Variants in IGF2BP3 observed in about 807,000 individuals in gnomAD.
The protein encoded by IGF2BP3 is insulin-like growth factor 2 mRNA-binding protein 3.
Under a neutral mutation model 73.8 loss-of-function variants are expected in IGF2BP3, and 9 were observed. The ratio of observed to expected loss-of-function variants is 0.12; its 90% CI spans 0.07 to 0.21. The LOEUF is 0.21. Ranked by LOEUF, IGF2BP3 falls within the 10% of genes least tolerant of loss-of-function variation. The probability of loss-of-function intolerance (pLI) is 1.00; values close to 1 mark genes in which losing one functional copy is unlikely to be tolerated. For synonymous variants in IGF2BP3, 258 were observed against 256.7 expected (o/e 1.01, Z -0.05); for missense variants, 542 against 714.0 (o/e 0.76, Z 2.75).
intron 3 of IGF2BP3, among the ~76,000 whole-genome samples, chr7:23,387,223 A>T (rs1326029700): frequency 6.6e-6 from 1 of 152,172 alleles, no homozygotes; most frequent in African/African-American, 2.4e-5. Context: ...GAAAGTCCAT[A>T]AACCCAGTCT....
intron 2 of IGF2BP3, among the ~76,000 whole-genome samples, chr7:23,437,769 A>C (rs1787839772): frequency 6.6e-6 from 1 of 152,174 alleles, no homozygotes; most frequent in South Asian, 2.1e-4. Context: ...AAAGTAAAAA[A>C]CTATTCAGTG....
At chr7:23,314,274 C>T (rs1206777014) in intron 12 of IGF2BP3, among the ~76,000 whole-genome samples, 1 of 152,032 alleles carries the variant, frequency 6.6e-6, no homozygotes, top group East Asian at 1.9e-4. Flanking sequence ...CCCCCGCCTC[C>T]CAGGTTCAAG....
intron 2 of IGF2BP3, among the ~76,000 whole-genome samples, chr7:23,455,577 T>G (rs11762335): frequency 0.17 from 25,986 of 152,218 alleles, 2,541 homozygotes; most frequent in South Asian, 0.27. Flanking sequence ...TTAGGATCAC[T>G]ACCACAGTGA....
At chr7:23,449,561 T>C (rs369863328) in intron 2 of IGF2BP3, among the ~76,000 whole-genome samples, 26,397 of 118,250 alleles carry the variant, frequency 0.22, 2,448 homozygotes, top group Non-Finnish European at 0.31. Context: ...TTTCTTTTTT[T>C]TTTTTTTTTT....
At chr7:23,395,839 C>G (rs1163996671) in intron 3 of IGF2BP3, among the ~76,000 whole-genome samples, 1 of 151,782 alleles carries the variant, frequency 6.6e-6, no homozygotes, top group Non-Finnish European at 1.5e-5. Flanking sequence ...GGCAGGAGAA[C>G]TGCTTGAACC....
intron 13 of IGF2BP3, among the ~76,000 whole-genome samples, chr7:23,313,155 T>C (rs1443532962): frequency 3.3e-5 from 5 of 152,244 alleles, no homozygotes; most frequent in Non-Finnish European, 7.3e-5. Context: ...ACAAGTTATA[T>C]GTATTAGAGA....
chr7:23,412,623 C>T (rs1787060212), intron 3 of IGF2BP3, among the ~76,000 whole-genome samples: 2 of 152,166 alleles, frequency 1.3e-5, no homozygotes, highest in African/African-American at 4.8e-5. Context: ...CCTCATCAGC[C>T]CCCAAAATGA....
chr7:23,406,741 G>T (rs1197418492), intron 3 of IGF2BP3, among the ~76,000 whole-genome samples: 1 of 152,058 alleles, frequency 6.6e-6, no homozygotes, highest in African/African-American at 2.4e-5. Flanking sequence ...CTGCTGATTG[G>T]TCCATTTTAC....
intron 10 of IGF2BP3, among the ~76,000 whole-genome samples, chr7:23,322,583 A>G (rs1372787602): frequency 6.6e-6 from 1 of 152,092 alleles, no homozygotes; most frequent in African/African-American, 2.4e-5. Flanking sequence ...CCACAAAGAT[A>G]CTCCTCGAGA....
At chr7:23,435,905 G>GT in intron 2 of IGF2BP3, among the ~76,000 whole-genome samples, 1 of 152,090 alleles carries the variant, frequency 6.6e-6, no homozygotes, top group East Asian at 1.9e-4. Context: ...TTACAGGCGT[G>GT]TGCCACCATG....
At chr7:23,457,027 C>T (rs1329057053) in intron 2 of IGF2BP3, among the ~76,000 whole-genome samples, 2 of 151,828 alleles carry the variant, frequency 1.3e-5, no homozygotes, top group African/African-American at 2.4e-5. Flanking sequence ...CCAGCCCAGT[C>T]GACAGAGCAA....
At chr7:23,454,553 A>T (rs1788273038) in intron 2 of IGF2BP3, among the ~76,000 whole-genome samples, 1 of 152,222 alleles carries the variant, frequency 6.6e-6, no homozygotes, top group Admixed American at 6.5e-5. Context: ...TCCTTTACAG[A>T]CATTATCATT....
At chr7:23,442,548 C>A (rs1473532993) in intron 2 of IGF2BP3, among the ~76,000 whole-genome samples, 1 of 152,090 alleles carries the variant, frequency 6.6e-6, no homozygotes. Context: ...CAGGCACCCA[C>A]TACCACGCCC....
At chr7:23,380,019 T>C (rs1459062606) in intron 3 of IGF2BP3, among the ~76,000 whole-genome samples, 2 of 152,192 alleles carry the variant, frequency 1.3e-5, no homozygotes, top group East Asian at 3.9e-4. Flanking sequence ...CTAAGATGGG[T>C]TGGGAAAGTC....
chr7:23,429,056 G>A (rs1787600923), intron 2 of IGF2BP3, among the ~76,000 whole-genome samples: 1 of 152,134 alleles, frequency 6.6e-6, no homozygotes, highest in Non-Finnish European at 1.5e-5. Flanking sequence ...AGCCTTATCA[G>A]CATGGATCCT....
At chr7:23,327,319 G>T (rs1021947056) in intron 10 of IGF2BP3, among the ~76,000 whole-genome samples, 1 of 145,724 alleles carries the variant, frequency 6.9e-6, no homozygotes. Flanking sequence ...CTCGCTCTGT[G>T]GCCCAGGCTG....
At chr7:23,415,584 G>T in intron 3 of IGF2BP3, 1 of 267,412 alleles carries the variant, frequency 3.7e-6, no homozygotes, top group Non-Finnish European at 7.3e-6. Flanking sequence ...CGGCGTCACT[G>T]AATCAGCAGT....
chr7:23,461,506 A>G (rs761792017), intron 2 of IGF2BP3, among the ~76,000 whole-genome samples: 9 of 152,114 alleles, frequency 5.9e-5, no homozygotes, highest in African/African-American at 1.4e-4. Flanking sequence ...AATATTCTCC[A>G]TTTTGGTAAA....
chr7:23,424,303 G>A (rs1446577459), intron 2 of IGF2BP3, among the ~76,000 whole-genome samples: 1 of 151,504 alleles, frequency 6.6e-6, no homozygotes, highest in African/African-American at 2.4e-5. Flanking sequence ...TTCAAGACCA[G>A]CTTGGCCAAG....
Sources: allele counts gnomAD v4.1 joint callset (sites outside exome capture counted in the v4.1 genomes callset), GRCh38; gene constraint gnomAD v4.1.1; transcripts MANE v1.5; gene names NCBI Gene and HGNC (gene_info 2026-07-23, HGNC 2026-07-21).